The following ZMIZ1 variants were observed in gnomAD, a reference collection of about 807,000 sequenced individuals.
ZMIZ1 encodes zinc finger MIZ-type containing 1, also known as zinc finger MIZ domain-containing protein 1.
ZMIZ1 carries 17 observed loss-of-function variants against 113.9 expected under a neutral mutation model. The observed-to-expected ratio is 0.15, with a 90% CI of 0.10 to 0.22. The LOEUF is 0.22. Among genes scored for constraint, ZMIZ1 ranks in the 10% least tolerant of loss-of-function variants. The pLI is 1.00. For synonymous variants in ZMIZ1, 607 were observed against 603.1 expected (o/e 1.01, Z -0.09); for missense variants, 1,059 against 1,477.8 (o/e 0.72, Z 4.65).
intron 2 of ZMIZ1, among the ~76,000 whole-genome samples, chr10:79,137,437 C>T (rs1211758757): frequency 2.6e-5 from 4 of 152,224 alleles, no homozygotes; most frequent in African/African-American, 7.2e-5. Context: ...GTGGCCAGCC[C>T]TGCTGCTCCT....
At chr10:79,254,226 A>G (rs560904844) in intron 7 of ZMIZ1, among the ~76,000 whole-genome samples, 1 of 152,282 alleles carries the variant, frequency 6.6e-6, no homozygotes, top group African/African-American at 2.4e-5. Context: ...GGCCCAGCAC[A>G]TCTCAGGGTG....
At chr10:79,259,377 C>G (rs1564559254) in intron 7 of ZMIZ1, among the ~76,000 whole-genome samples, 1 of 152,120 alleles carries the variant, frequency 6.6e-6, no homozygotes. Context: ...GGTCGCTGCA[C>G]AGTCTTGAGG....
intron 5 of ZMIZ1, among the ~76,000 whole-genome samples, chr10:79,203,940 G>T (rs1386428614): frequency 2.0e-5 from 3 of 152,150 alleles, no homozygotes; most frequent in Admixed American, 2.0e-4. Flanking sequence ...AGGCAGTGGC[G>T]CATTTGTGAG....
chr10:79,241,211 A>G (rs139102789), intron 7 of ZMIZ1, among the ~76,000 whole-genome samples: 3 of 152,314 alleles, frequency 2.0e-5, no homozygotes, highest in Non-Finnish European at 4.4e-5. Flanking sequence ...GGAACACGTG[A>G]GCCATATTGT....
At chr10:79,276,697 C>T (rs145275592) in intron 7 of ZMIZ1, among the ~76,000 whole-genome samples, 1 of 152,294 alleles carries the variant, frequency 6.6e-6, no homozygotes, top group South Asian at 2.1e-4. Flanking sequence ...TTGTTCAAAC[C>T]TTGTGATGTT....
rs965657463 is a variant in ZMIZ1, at chr10:79,178,701, G to A, written c.-50+16568G>A. Reference sequence around the variant, plus strand: ...CCTGCCCCACCCCTCCCCCACCCCCGCATGCTTCCTTCCCTCCTGCTCTAA... The same window carrying A: ...CCTGCCCCACCCCTCCCCCACCCCCACATGCTTCCTTCCCTCCTGCTCTAA... On this transcript the variant is annotated intron_variant, in intron 4 of 24. Coordinates refer to ENST00000334512, the MANE Select transcript of ZMIZ1 (RefSeq NM_020338.4). 1.9e-4 allele frequency among the ~76,000 whole-genome samples: 29 copies of A among 151,364 alleles called. 1 individual carries two copies. Among genetic ancestry groups the A allele is most frequent in the Admixed American group, 4.6e-4 (7 of 15,220 alleles).
At chr10:79,165,464 TGTAA>T (rs1846286680) in intron 4 of ZMIZ1, among the ~76,000 whole-genome samples, 1 of 151,998 alleles carries the variant, frequency 6.6e-6, no homozygotes, top group South Asian at 2.1e-4. Context: ...TGTGCTTGTG[TGTAA>T]GTGTGTGCGT....
At chr10:79,119,863 C>T (rs113518419) in intron 2 of ZMIZ1, among the ~76,000 whole-genome samples, 7 of 152,282 alleles carry the variant, frequency 4.6e-5, no homozygotes, top group African/African-American at 1.7e-4. Flanking sequence ...CTTTCTTTCC[C>T]TCCGCCCCTC....
chr10:79,123,269 C>T (rs1383103634), intron 2 of ZMIZ1, among the ~76,000 whole-genome samples: 2 of 152,174 alleles, frequency 1.3e-5, no homozygotes, highest in Non-Finnish European at 2.9e-5. Context: ...GGCTGTGGAC[C>T]GGGCTGAGGC....
chr10:79,156,925 T>A (rs746992097), intron 3 of ZMIZ1, among the ~76,000 whole-genome samples: 1 of 152,216 alleles, frequency 6.6e-6, no homozygotes, highest in Non-Finnish European at 1.5e-5. Context: ...CCTGTCCTTA[T>A]GGGCCTCGAG....
chr10:79,094,660 G>T (rs139405973), intron 1 of ZMIZ1, among the ~76,000 whole-genome samples: 1 of 152,148 alleles, frequency 6.6e-6, no homozygotes, highest in African/African-American at 2.4e-5. Context: ...AAAGCAATGG[G>T]GCTAGGCCAG....
chr10:79,108,639 A>G (rs529598083), intron 1 of ZMIZ1, among the ~76,000 whole-genome samples: 3 of 152,210 alleles, frequency 2.0e-5, no homozygotes, highest in African/African-American at 7.2e-5. Flanking sequence ...AAGGAAAGCC[A>G]AATACCAACC....
intron 7 of ZMIZ1, among the ~76,000 whole-genome samples, chr10:79,249,496 A>G (rs1589486633): frequency 6.6e-6 from 1 of 152,180 alleles, no homozygotes; most frequent in Non-Finnish European, 1.5e-5. Flanking sequence ...CTGGCTCCCC[A>G]GCTTGTCTGT....
At chr10:79,082,831 T>A (rs1842701446) in intron 1 of ZMIZ1, among the ~76,000 whole-genome samples, 1 of 152,184 alleles carries the variant, frequency 6.6e-6, no homozygotes, top group Admixed American at 6.5e-5. Flanking sequence ...CTGAATGGGC[T>A]GGGAGGGTCC....
intron 4 of ZMIZ1, among the ~76,000 whole-genome samples, chr10:79,178,011 G>A (rs1014580755): frequency 1.3e-5 from 2 of 152,144 alleles, no homozygotes; most frequent in Admixed American, 1.3e-4. Context: ...CACATGGTGG[G>A]GTCTTAGGAG....
Position 79,071,081 on chromosome 10 carries a change from A to G in ZMIZ1, c.-337+1811A>G, listed in dbSNP as rs577165527. Among the ~76,000 whole-genome samples, 253 of 152,280 alleles carry G rather than the reference A, an allele frequency of 1.7e-3. 1 individual carries two copies. Among genetic ancestry groups the G allele is most frequent in the Non-Finnish European group, 3.0e-3 (206 of 68,014 alleles). ...GACATTTGGAGCCCTCTGGGTGGACAGCCCAGGGCATGGGAGAGTAGGGCC... is the reference window on the plus strand; with the variant it reads ...GACATTTGGAGCCCTCTGGGTGGACGGCCCAGGGCATGGGAGAGTAGGGCC... On this transcript the variant is annotated intron_variant, in intron 1 of 24. Transcript: ENST00000334512.
intron 9 of ZMIZ1, chr10:79,290,648 C>T (rs1406731475): frequency 1.8e-6 from 1 of 565,124 alleles, no homozygotes; most frequent in Non-Finnish European, 3.4e-6. Context: ...GGTACAAGAG[C>T]AGCCTCTTCT....
chr10:79,279,036 C>A (rs1265019202), intron 8 of ZMIZ1, among the ~76,000 whole-genome samples: 1 of 151,620 alleles, frequency 6.6e-6, no homozygotes, highest in Non-Finnish European at 1.5e-5. Flanking sequence ...CCACCCACGT[C>A]CCAGACGGGG....
At chr10:79,184,849 GTCCCCGAGTCTTTACTGCC>G (rs1013756098) in intron 4 of ZMIZ1, among the ~76,000 whole-genome samples, 5 of 152,126 alleles carry the variant, frequency 3.3e-5, no homozygotes, top group Non-Finnish European at 7.4e-5. Flanking sequence ...ATTGCTGCCC[GTCCCCGAGTCTTTACTGCC>G]TCCTCAGGGT....
Sources: gnomAD v4.1 joint callset for allele counts (sites outside exome capture counted in the v4.1 genomes callset) on GRCh38, gnomAD v4.1.1 for gene constraint, MANE v1.5 for transcripts, NCBI Gene and HGNC (gene_info 2026-07-23, HGNC 2026-07-21) for gene names.